The following KDM4C variants were observed in gnomAD, a reference collection of about 807,000 sequenced individuals.
The protein encoded by KDM4C is lysine-specific demethylase 4C.
In KDM4C, 81 loss-of-function variants were observed where a neutral mutation model predicts 129.3. The observed-to-expected ratio is 0.63, with a 90% CI of 0.52 to 0.75. KDM4C has a LOEUF of 0.75. Ranked by LOEUF, KDM4C falls within the 30% of genes least tolerant of loss-of-function variation. KDM4C has a pLI of 0.00. For missense variants in KDM4C, 1,457 were observed against 1,304.0 expected, an observed-to-expected ratio of 1.12 and a Z score of -1.81; for synonymous variants, 573 against 456.1, an observed-to-expected ratio of 1.26 and a Z score of -3.26.
At chr9:6,917,636 G>C (rs565471136) in intron 8 of KDM4C, among the ~76,000 whole-genome samples, 2 of 152,138 alleles carry the variant, frequency 1.3e-5, no homozygotes, top group Admixed American at 6.6e-5. Flanking sequence ...ACGATGCCCA[G>C]CAGTCCAGCC....
At chr9:6,847,098 G>A (rs983794664) in intron 4 of KDM4C, among the ~76,000 whole-genome samples, 3 of 152,174 alleles carry the variant, frequency 2.0e-5, no homozygotes, top group African/African-American at 2.4e-5. Flanking sequence ...GATAGTGTCA[G>A]TCAGAAATAA....
chr9:7,153,707 C>A (rs73398971), intron 19 of KDM4C, among the ~76,000 whole-genome samples: 2,670 of 152,192 alleles, frequency 0.018, 78 homozygotes, highest in African/African-American at 0.056. Flanking sequence ...TTAATGGCAA[C>A]CAACAGAAAC....
At chr9:6,834,456 A>T in intron 4 of KDM4C, 1 of 508,590 alleles carries the variant, frequency 2.0e-6, no homozygotes, top group South Asian at 1.7e-5. Flanking sequence ...CCAGCTCACC[A>T]TAGATGATGA....
intron 16 of KDM4C, among the ~76,000 whole-genome samples, chr9:7,047,734 C>A (rs985165358): frequency 6.6e-6 from 1 of 151,830 alleles, no homozygotes; most frequent in African/African-American, 2.4e-5. Context: ...ACATAAAAAT[C>A]CAGATTTTCA....
At chr9:6,960,587 C>T (rs977878011) in intron 8 of KDM4C, among the ~76,000 whole-genome samples, 2 of 152,100 alleles carry the variant, frequency 1.3e-5, no homozygotes, top group African/African-American at 4.8e-5. Flanking sequence ...TAAAGATTGT[C>T]ATAGAAAGTA....
rs148337400 is a variant in KDM4C, at chr9:6,954,133, C to G, written c.922-26792C>G. On this transcript the variant is annotated intron_variant, in intron 8 of 21. Transcript: ENST00000381309. ...CAGTATACATTCTCAGGTGAATTGT[C>G]TCCTCCATGTCTTCTGTCCCTTCGT... is the stretch of plus-strand genomic sequence containing the variant. Among the ~76,000 whole-genome samples the G allele has an allele frequency of 1.3e-3, 192 of 152,288 alleles. 1 individual carries two copies. Among genetic ancestry groups the G allele is most frequent in the African/African-American group, 3.5e-3 (145 of 41,560 alleles).
chr9:7,174,447 C>A, intron 21 of KDM4C, 106 bp from the exon 22 acceptor site: 1 of 1,029,824 alleles, frequency 9.7e-7, no homozygotes. Context: ...GAGCTGGTGA[C>A]CTGGGCATCT....
At chr9:6,740,386 G>A (rs538855407) in intron 1 of KDM4C, among the ~76,000 whole-genome samples, 1 of 151,818 alleles carries the variant, frequency 6.6e-6, no homozygotes, top group African/African-American at 2.4e-5. Context: ...TGTATTTTTA[G>A]TAGAGATGGG....
At chr9:6,725,677 G>C (rs1817098242) in intron 1 of KDM4C, among the ~76,000 whole-genome samples, 1 of 147,592 alleles carries the variant, frequency 6.8e-6, no homozygotes, top group Non-Finnish European at 1.5e-5. Flanking sequence ...TTTTAGTAGA[G>C]ATTGGGTTTC....
intron 8 of KDM4C, among the ~76,000 whole-genome samples, chr9:6,920,553 A>ACTCCATCTC (rs747837436): frequency 0.33 from 41,645 of 126,354 alleles, 6,280 homozygotes; most frequent in Middle Eastern, 0.47. Flanking sequence ...ACAGAACAAG[A>ACTCCATCTC]AAAAAAAAAT....
intron 4 of KDM4C, among the ~76,000 whole-genome samples, chr9:6,838,404 T>G (rs1319924660): frequency 6.6e-6 from 1 of 152,200 alleles, no homozygotes; most frequent in Non-Finnish European, 1.5e-5. Flanking sequence ...TCTAAATGTA[T>G]GATTCTTTTC....
chr9:7,000,854 A>T (rs1196298853), intron 12 of KDM4C, among the ~76,000 whole-genome samples: 1 of 152,226 alleles, frequency 6.6e-6, no homozygotes, highest in East Asian at 1.9e-4. Flanking sequence ...TTGTAAAATT[A>T]GCTCTGAAGA....
intron 19 of KDM4C, among the ~76,000 whole-genome samples, chr9:7,143,562 G>T (rs1013308167): frequency 2.6e-5 from 4 of 152,202 alleles, no homozygotes; most frequent in African/African-American, 9.6e-5. Context: ...AAGCCTTGGT[G>T]GATTAAAAGC....
At chr9:6,775,888 T>C (rs1822921770) in intron 1 of KDM4C, among the ~76,000 whole-genome samples, 1 of 152,144 alleles carries the variant, frequency 6.6e-6, no homozygotes, top group Admixed American at 6.6e-5. Flanking sequence ...TGTGGGGACT[T>C]TTTTATGTTT....
intron 17 of KDM4C, among the ~76,000 whole-genome samples, chr9:7,057,935 T>C (rs1287062429): frequency 6.6e-6 from 1 of 152,232 alleles, no homozygotes; most frequent in Non-Finnish European, 1.5e-5. Context: ...AGCGATCTTG[T>C]TCAGGACGGT....
chr9:6,807,482 T>G (rs1830230451), intron 3 of KDM4C, among the ~76,000 whole-genome samples: 1 of 139,406 alleles, frequency 7.2e-6, no homozygotes, highest in Non-Finnish European at 1.5e-5. Context: ...GTGAGGAGCG[T>G]CTCTGCCCGG....
chr9:6,759,233 C>G (rs1818904763), intron 1 of KDM4C, among the ~76,000 whole-genome samples: 1 of 152,162 alleles, frequency 6.6e-6, no homozygotes, highest in African/African-American at 2.4e-5. Flanking sequence ...TAGGTTCACA[C>G]TAAACTCTGC....
chr9:6,746,833 C>T (rs539799095), intron 1 of KDM4C, among the ~76,000 whole-genome samples: 4 of 148,596 alleles, frequency 2.7e-5, no homozygotes, highest in East Asian at 4.1e-4. Context: ...ACGGTGAAAC[C>T]GTCTCTACTA....
At chr9:6,859,100 T>C (rs1429544111) in intron 5 of KDM4C, among the ~76,000 whole-genome samples, 1 of 152,224 alleles carries the variant, frequency 6.6e-6, no homozygotes. Context: ...AACAAGGTTG[T>C]AAAGTGTGTT....
Sources: gnomAD v4.1 joint callset for allele counts (sites outside exome capture counted in the v4.1 genomes callset) on GRCh38, gnomAD v4.1.1 for gene constraint, MANE v1.5 for transcripts, NCBI Gene and HGNC (gene_info 2026-07-23, HGNC 2026-07-21) for gene names.